LRP1B: variants seen among roughly 807,000 people sequenced by gnomAD.
LRP1B encodes the protein low-density lipoprotein receptor-related protein 1B.
LRP1B carries 217 observed loss-of-function variants against 556.6 expected under a neutral mutation model. The ratio of observed to expected loss-of-function variants is 0.39; its 90% CI spans 0.35 to 0.44. The LOEUF (loss-of-function observed/expected upper bound fraction) is 0.44, where lower values mean the gene tolerates loss of function less well. LRP1B is among the 20% of genes least tolerant of loss of function. The probability of loss-of-function intolerance (pLI) is 1.00; values close to 1 mark genes in which losing one functional copy is unlikely to be tolerated. For missense variants in LRP1B, 5,053 were observed against 5,620.8 expected, an observed-to-expected ratio of 0.90 and a Z score of 3.23; for synonymous variants, 2,047 against 1,865.8, an observed-to-expected ratio of 1.10 and a Z score of -2.50.
At position 142,003,072 on chromosome 2, in the gene LRP1B, T is replaced by C. The variant is rs115010581; in HGVS notation, c.82+127576A>G. 2.0e-3 allele frequency among the ~76,000 whole-genome samples: 306 copies of C among 152,334 alleles called. 1 individual carries two copies. Among genetic ancestry groups the C allele is most frequent in the Admixed American group, 3.5e-3 (53 of 15,298 alleles). ...AGAGCATATCAAAGGCTATCATGCA[T>C]ATTTATGCCAACAAAACTACAAACA... On this transcript the variant is annotated intron_variant, in intron 1 of 90. Coordinates refer to ENST00000389484, the MANE Select transcript of LRP1B (RefSeq NM_018557.3).
chr2:140,435,918 A>G (rs545290282), intron 66 of LRP1B, among the ~76,000 whole-genome samples: 2 of 152,100 alleles, frequency 1.3e-5, no homozygotes, highest in Admixed American at 6.6e-5. Context: ...AAACATTTCA[A>G]TGCAAAATAA....
At chr2:141,434,754 G>GTTGTTAT (rs68055822) in intron 3 of LRP1B, among the ~76,000 whole-genome samples, 2 of 41,466 alleles carry the variant, frequency 4.8e-5, no homozygotes, top group African/African-American at 1.5e-4. Flanking sequence ...TGATAGGTCA[G>GTTGTTAT]TTGTTATTTG....
intron 1 of LRP1B, among the ~76,000 whole-genome samples, chr2:141,921,929 C>T (rs1700196723): frequency 6.6e-6 from 1 of 151,994 alleles, no homozygotes; most frequent in African/African-American, 2.4e-5. Context: ...TATATTCATT[C>T]ATTTCAGAAT....
chr2:142,067,655 T>C (rs938365453), intron 1 of LRP1B, among the ~76,000 whole-genome samples: 21 of 151,600 alleles, frequency 1.4e-4, no homozygotes, highest in Non-Finnish European at 5.9e-5. Context: ...TTTTTTGGCC[T>C]GCATTTACAT....
intron 3 of LRP1B, among the ~76,000 whole-genome samples, chr2:141,380,893 G>T (rs1221436762): frequency 6.6e-6 from 1 of 152,156 alleles, no homozygotes; most frequent in African/African-American, 2.4e-5. Context: ...CTCAAAGGTG[G>T]GAGGCATCTA....
chr2:141,388,155 G>C (rs1689901636), intron 3 of LRP1B, among the ~76,000 whole-genome samples: 1 of 152,156 alleles, frequency 6.6e-6, no homozygotes, highest in African/African-American at 2.4e-5. Context: ...ATACTCAATG[G>C]CCGGGCGCAG....
At chr2:141,479,791 C>A (rs1682850453) in intron 3 of LRP1B, among the ~76,000 whole-genome samples, 1 of 152,084 alleles carries the variant, frequency 6.6e-6, no homozygotes, top group South Asian at 2.1e-4. Context: ...GTGCCAGTAG[C>A]ATTTAACTTT....
chr2:140,867,741 A>G lies in LRP1B; in HGVS notation c.4428T>C (p.Ser1476=), dbSNP rs764298613. 13 of 1,611,698 alleles carry G rather than the reference A, an allele frequency of 8.1e-6. No individual in the cohort carries two copies. Among genetic ancestry groups the G allele is most frequent in the Non-Finnish European group, 1.1e-5 (13 of 1,178,854 alleles). Residue 1476 remains serine, a synonymous_variant, in exon 27 of 91, where the codon TCT becomes TCC. Coordinates refer to ENST00000389484, the MANE Select transcript of LRP1B (RefSeq NM_018557.3). The part of the protein sequence containing the change: ...HEYLSHPFAV[S]LYGSEVYWTD... The stretch of plus-strand genomic sequence containing the variant: ...TCCAGTAGACTTCACTCCCATATAG[A>G]GACACAGCAAAGGGATGGGAAAGGT...
intron 7 of LRP1B, among the ~76,000 whole-genome samples, chr2:141,183,636 T>G (rs1681108814): frequency 6.6e-6 from 1 of 152,038 alleles, no homozygotes; most frequent in African/African-American, 2.4e-5. Flanking sequence ...CACTCTGCTA[T>G]TCACTGTCTG....
chr2:141,923,442 A>G (rs1363249682), intron 1 of LRP1B, among the ~76,000 whole-genome samples: 1 of 63,810 alleles, frequency 1.6e-5, no homozygotes, highest in Admixed American at 1.9e-4. Context: ...GAGATTATAT[A>G]TATATGTGTG....
chr2:141,662,186 A>G (rs947302472), intron 2 of LRP1B, among the ~76,000 whole-genome samples: 6 of 152,208 alleles, frequency 3.9e-5, no homozygotes, highest in African/African-American at 1.4e-4. Context: ...AGGAAGCACT[A>G]AATATGAAAA....
intron 2 of LRP1B, among the ~76,000 whole-genome samples, chr2:141,792,518 T>C (rs1272440884): frequency 1.3e-5 from 2 of 152,034 alleles, no homozygotes; most frequent in African/African-American, 2.4e-5. Flanking sequence ...ACGTGTTGTA[T>C]AGTATAGTTT....
At chr2:141,177,973 A>C (rs1680811160) in intron 7 of LRP1B, among the ~76,000 whole-genome samples, 1 of 152,148 alleles carries the variant, frequency 6.6e-6, no homozygotes, top group Non-Finnish European at 1.5e-5. Flanking sequence ...TGAAGTGCAA[A>C]GAAACAAATT....
chr2:140,429,980 G>A lies in LRP1B; in HGVS notation c.10414+12524C>T, dbSNP rs573674067. On this transcript the variant is annotated intron_variant, in intron 66 of 90. Transcript: ENST00000389484. The stretch of plus-strand genomic sequence containing the variant: ...CCACAATTACCATTGTTCCTGGCCC[G>A]GACTTCAATCCGGCCTCCCTCATTA... Among the ~76,000 whole-genome samples the A allele has an allele frequency of 2.6e-5, 4 of 152,120 alleles. No homozygotes were observed. The South Asian group carries it at 8.3e-4, about 32-fold the overall frequency.
chr2:141,164,032 A>T (rs1187240022), intron 7 of LRP1B, among the ~76,000 whole-genome samples: 3 of 152,206 alleles, frequency 2.0e-5, no homozygotes, highest in East Asian at 3.9e-4. Context: ...ATTAACTTAC[A>T]TTGTATTAAT....
chr2:142,051,567 T>A (rs994215796), intron 1 of LRP1B, among the ~76,000 whole-genome samples: 5 of 151,820 alleles, frequency 3.3e-5, no homozygotes, highest in Admixed American at 3.3e-4. Context: ...AACCTCTGCC[T>A]CCTGGTTCAA....
intron 35 of LRP1B, among the ~76,000 whole-genome samples, chr2:140,741,810 T>G (rs562723268): frequency 6.6e-6 from 1 of 152,296 alleles, no homozygotes; most frequent in African/African-American, 2.4e-5. Context: ...CTTCTTTGTA[T>G]CTATATGTGC....
At chr2:141,650,633 C>T (rs77658317) in intron 2 of LRP1B, among the ~76,000 whole-genome samples, 6,234 of 152,098 alleles carry the variant, frequency 0.041, 165 homozygotes, top group South Asian at 0.077. Flanking sequence ...TCCTCTGACT[C>T]GGAAATTAAT....
intron 3 of LRP1B, among the ~76,000 whole-genome samples, chr2:141,475,478 G>A (rs1369938069): frequency 6.6e-6 from 1 of 152,104 alleles, no homozygotes; most frequent in Non-Finnish European, 1.5e-5. Flanking sequence ...ATACTGACAG[G>A]AGGGAGGGAA....
Sources: gnomAD v4.1 joint callset for allele counts (sites outside exome capture counted in the v4.1 genomes callset) on GRCh38, gnomAD v4.1.1 for gene constraint, MANE v1.5 for transcripts, NCBI Gene and HGNC (gene_info 2026-07-23, HGNC 2026-07-21) for gene names.